The following PRPF19 variants were observed in gnomAD, a reference collection of about 807,000 sequenced individuals.
PRPF19 encodes pre-mRNA-processing factor 19.
A neutral mutation model predicts 64.2 loss-of-function variants in PRPF19; 2 were observed. The ratio of observed to expected loss-of-function variants is 0.03; its 90% CI spans 0.01 to 0.10. The LOEUF is 0.10. Among genes scored for constraint, PRPF19 ranks in the 10% least tolerant of loss-of-function variants. PRPF19 has a pLI of 1.00. For synonymous variants in PRPF19, 226 were observed against 251.6 expected, an observed-to-expected ratio of 0.90 and a Z score of 0.96; for missense variants, 314 against 650.0, an observed-to-expected ratio of 0.48 and a Z score of 5.62.
At chr11:60,894,151 G>A (rs1333437885) in intron 15 of PRPF19, among the ~76,000 whole-genome samples, 2 of 152,190 alleles carry the variant, frequency 1.3e-5, no homozygotes, top group Non-Finnish European at 2.9e-5. Context: ...GGCTGAAGTG[G>A]CTGTGACAAT....
intron 10 of PRPF19, among the ~76,000 whole-genome samples, 191 bp downstream of exon 10, chr11:60,900,391 C>G (rs1855970664): frequency 6.6e-6 from 1 of 152,208 alleles, no homozygotes; most frequent in Non-Finnish European, 1.5e-5. Context: ...GCTGGAAGAT[C>G]ACTGCTTTAG....
intron 15 of PRPF19, among the ~76,000 whole-genome samples, chr11:60,893,229 C>T (rs143089581): frequency 0.012 from 1,810 of 152,218 alleles, 44 homozygotes; most frequent in African/African-American, 0.042. Context: ...CGGTGGCTCA[C>T]GCCTGTAATC....
At position 60,898,869 on chromosome 11, in the gene PRPF19, G is replaced by A. The variant is rs3763840; in HGVS notation, c.1047C>T (p.Ser349=). 616,175 of 1,600,296 alleles carry A rather than the reference G, an allele frequency of 0.39. 121,066 individuals are homozygous for A. Among genetic ancestry groups the A allele is most frequent in the Admixed American group, 0.41 (23,951 of 58,050 alleles). ...RVLTKVTDET[S]GCSLTCAQFH... ...GCCTATGAGGCAACTTACAGCAGCCGGAGGTCTCATCTGTCACCTTGGTGA... is the reference window on the plus strand; with the variant it reads ...GCCTATGAGGCAACTTACAGCAGCCAGAGGTCTCATCTGTCACCTTGGTGA... Residue 349 remains serine, a synonymous_variant, in exon 12 of 16, where the codon TCC becomes TCT. Coordinates refer to ENST00000227524, the MANE Select transcript of PRPF19 (RefSeq NM_014502.5). The surrounding 1 kb of genome is among the most constrained non-coding windows in gnomAD (Gnocchi z 4.6).
In PRPF19 at chr11:60,891,067, A is replaced by AAC; in HGVS notation, c.*98_*99insGT. The AAC allele has an allele frequency of 2.2e-5, 6 of 275,284 alleles. No homozygotes were observed. Among genetic ancestry groups the AAC allele is most frequent in the South Asian group, 1.0e-4 (4 of 38,732 alleles). 17.1% of individuals were successfully genotyped at this position (275,284 alleles called of 1,614,324 possible). A position where few individuals can be genotyped will look rare whatever the true frequency, so the allele number is the denominator to read the frequency against. ...ATGATGTGAATGTCCCACCCCACAG[A>AAC]GCCCCCTCCCCCCATAGATTCCCCC... On this transcript the variant is annotated 3_prime_UTR_variant, in exon 16 of 16. Coordinates refer to ENST00000227524, the MANE Select transcript of PRPF19 (RefSeq NM_014502.5).
chr11:60,898,559 G>T lies in PRPF19; in HGVS notation c.1122C>A (p.Ile374=). ...GTCCTACCTTCAAGTCCCAGATCTT[G>T]ATCTGAGAGTCCATGGTTCCTGTTC... ...IFGTGTMDSQ[I]KIWDLKERTN... The change falls in exon 13 of 16, where the codon ATC becomes ATA. Residue 374 remains isoleucine (I), a synonymous_variant. Coordinates refer to ENST00000227524, the MANE Select transcript of PRPF19 (RefSeq NM_014502.5). The surrounding 1 kb of genome is among the most constrained non-coding windows in gnomAD (Gnocchi z 4.6). 6.2e-7 allele frequency: 1 copy of T among 1,614,140 alleles called. No individual in the cohort carries two copies. Among genetic ancestry groups the T allele is most frequent in the South Asian group, 1.1e-5 (1 of 91,018 alleles).
chr11:60,906,557 G>C lies in PRPF19; in HGVS notation c.-175C>G, dbSNP rs903179056. ...CACGTGGGAATGGGGACAGCCGCGCGCCACAGCCTTCAGCACCTAACGGAA... is the reference window on the plus strand; with the variant it reads ...CACGTGGGAATGGGGACAGCCGCGCCCCACAGCCTTCAGCACCTAACGGAA... On this transcript the variant is annotated 5_prime_UTR_variant, in exon 1 of 16. Transcript: ENST00000227524. The C allele has an allele frequency of 1.7e-5, 11 of 642,960 alleles. No homozygotes were observed. Among genetic ancestry groups the C allele is most frequent in the Middle Eastern group, 4.3e-4 (1 of 2,322 alleles). The allele number at this position is 642,960 out of a possible 1,614,324, so 39.8% of individuals were successfully genotyped here.
rs1179283633 is a variant in PRPF19, at chr11:60,898,368, C to T, written c.1141-97G>A. The T allele has an allele frequency of 2.0e-6, 3 of 1,527,208 alleles. No individual in the cohort carries two copies. Among genetic ancestry groups the T allele is most frequent in the Admixed American group, 4.0e-5 (2 of 50,396 alleles). 94.6% of individuals were successfully genotyped at this position (1,527,208 alleles called of 1,614,324 possible). A position where few individuals can be genotyped will look rare whatever the true frequency, so the allele number is the denominator to read the frequency against. On this transcript the variant is annotated intron_variant, in intron 13 of 15. Transcript: ENST00000227524. This position sits in a 1 kb window ranked among gnomAD's most constrained non-coding sequence, Gnocchi z 4.6. ...TCCTACCTGAGATGTCCCTCACGTCCTTCCAGGAAGGACAGCCAGCGGGAC... is the reference window on the plus strand; with the variant it reads ...TCCTACCTGAGATGTCCCTCACGTCTTTCCAGGAAGGACAGCCAGCGGGAC...
intron 15 of PRPF19, 66 bp downstream of exon 15, chr11:60,897,780 C>A: frequency 1.5e-6 from 2 of 1,369,986 alleles, no homozygotes; most frequent in Non-Finnish European, 2.1e-6. Flanking sequence ...AATTCCTAAC[C>A]CAGTGAGGCT....
chr11:60,899,003 A>G (rs1480405007), intron 11 of PRPF19, 72 bp from the exon 12 acceptor site: 15 of 1,512,272 alleles, frequency 9.9e-6, no homozygotes, highest in South Asian at 3.6e-5. Context: ...CTTCAGCAAG[A>G]CAGAGCCCCT....
rs540079137 is a variant in PRPF19, at chr11:60,893,955, A to G, written c.1418-2692T>C. Among the ~76,000 whole-genome samples the G allele has an allele frequency of 1.3e-3, 199 of 152,372 alleles. 3 individuals are homozygous for G. The highest frequency in any genetic ancestry group is 4.6e-3 in the African/African-American group (191 of 41,586). The stretch of plus-strand genomic sequence containing the variant: ...TTATGTTTACACTATACTGTAGTCT[A>G]TTAAGTGTGTAATAACATTATGTCT... On this transcript the variant is annotated intron_variant, in intron 15 of 15. Coordinates refer to ENST00000227524, the MANE Select transcript of PRPF19 (RefSeq NM_014502.5).
At position 60,900,545 on chromosome 11, in the gene PRPF19, G is replaced by A. The variant is rs919781715; in HGVS notation, c.828+37C>T. ...GGGTGAGGGACAAACAACAGCCAAG[G>A]AAAGAAGAACCAAGGGTGGCGAGGA... On this transcript the variant is annotated intron_variant, in intron 10 of 15. Coordinates refer to ENST00000227524, the MANE Select transcript of PRPF19 (RefSeq NM_014502.5). 2.7e-6 allele frequency: 4 copies of A among 1,467,754 alleles called. No homozygotes were observed. The Admixed American group carries it at 6.0e-5, about 22-fold the overall frequency. 90.9% of individuals were successfully genotyped at this position (1,467,754 alleles called of 1,614,324 possible). A position where few individuals can be genotyped will look rare whatever the true frequency, so the allele number is the denominator to read the frequency against.
chr11:60,890,586 A>G lies in PRPF19; in HGVS notation c.*580T>C, dbSNP rs1855843470. On this transcript the variant is annotated 3_prime_UTR_variant, in exon 16 of 16. Coordinates refer to ENST00000227524, the MANE Select transcript of PRPF19 (RefSeq NM_014502.5). Reference sequence around the variant, plus strand: ...TTGTTTTTATTTCTGCTGTGCAATTAAAAAAAAAAAAAAAGGGTAAGAGCT... The same window carrying G: ...TTGTTTTTATTTCTGCTGTGCAATTGAAAAAAAAAAAAAAGGGTAAGAGCT... 5.6e-5 allele frequency: 1 copy of G among 17,810 alleles called. No individual in the cohort carries two copies. Among genetic ancestry groups the G allele is most frequent in the Admixed American group, 5.8e-4 (1 of 1,728 alleles). 1.1% of individuals were successfully genotyped at this position (17,810 alleles called of 1,614,324 possible). A position where few individuals can be genotyped will look rare whatever the true frequency, so the allele number is the denominator to read the frequency against.
intron 15 of PRPF19, among the ~76,000 whole-genome samples, chr11:60,896,826 A>G: frequency 6.6e-6 from 1 of 152,314 alleles, no homozygotes; most frequent in Non-Finnish European, 1.5e-5. Context: ...AAAAGTAAAA[A>G]ATAAAAATAA....
intron 1 of PRPF19, among the ~76,000 whole-genome samples, chr11:60,904,528 A>T (rs1285684957): frequency 6.6e-6 from 1 of 152,140 alleles, no homozygotes; most frequent in Non-Finnish European, 1.5e-5. Flanking sequence ...TGTTCTTCTG[A>T]TCTACCAGCT....
rs776930181 is a variant in PRPF19, at chr11:60,903,802, G to A, written c.79C>T (p.Arg27Trp). Residue 27 changes from arginine to tryptophan, a missense_variant, in exon 2 of 16, where the codon CGG becomes TGG. By Grantham distance (101) the Arg-to-Trp change is moderately radical. Coordinates refer to ENST00000227524, the MANE Select transcript of PRPF19 (RefSeq NM_014502.5). ...VSPVSNHVYE[R>W]RLIEKYIAEN... ...GCAATGTACTTCTCGATGAGCCGCC[G>A]CTCATAAACATGATTAGAGACAGGG... 3.1e-6 allele frequency: 5 copies of A among 1,606,352 alleles called. No homozygotes were observed. Among genetic ancestry groups the A allele is most frequent in the Non-Finnish European group, 3.4e-6 (4 of 1,178,348 alleles).
chr11:60,891,098 C>G lies in PRPF19; in HGVS notation c.*68G>C, dbSNP rs1265411315. The G allele has an allele frequency of 2.7e-5, 10 of 376,042 alleles. No individual in the cohort carries two copies. Among genetic ancestry groups the G allele is most frequent in the East Asian group, 2.0e-4 (3 of 14,902 alleles). The allele number at this position is 376,042 out of a possible 1,614,324, so 23.3% of individuals were successfully genotyped here. On this transcript the variant is annotated 3_prime_UTR_variant, in exon 16 of 16. Coordinates refer to ENST00000227524, the MANE Select transcript of PRPF19 (RefSeq NM_014502.5). Reference sequence around the variant, plus strand: ...CTCCCCCCATAGATTCCCCCCACCCCCCCCCCCAAACCCTAATTCTACCCC... The same window carrying G: ...CTCCCCCCATAGATTCCCCCCACCCGCCCCCCCAAACCCTAATTCTACCCC...
Position 60,891,151 on chromosome 11 carries a change from C to T in PRPF19, c.*15G>A. The T allele has an allele frequency of 7.9e-7, 1 of 1,263,398 alleles. No individual in the cohort carries two copies. Among genetic ancestry groups the T allele is most frequent in the East Asian group, 3.0e-5 (1 of 33,094 alleles). The allele number at this position is 1,263,398 out of a possible 1,614,324, so 78.3% of individuals were successfully genotyped here. A position where few individuals can be genotyped will look rare whatever the true frequency, so the allele number is the denominator to read the frequency against. On this transcript the variant is annotated 3_prime_UTR_variant, in exon 16 of 16. Coordinates refer to ENST00000227524, the MANE Select transcript of PRPF19 (RefSeq NM_014502.5). ...TACTGAGATGAGGCCCAGCTTCCAT[C>T]AGAAGGGCCAGGGCCTACAGGCTGT...
chr11:60,900,352 T>C (rs891571960), intron 10 of PRPF19, among the ~76,000 whole-genome samples: 1 of 152,234 alleles, frequency 6.6e-6, no homozygotes, highest in South Asian at 2.1e-4. Context: ...AATATGCTTG[T>C]CAAACTACAC....
In PRPF19 at chr11:60,902,376, C is replaced by G. The variant is rs191613416; in HGVS notation, c.525+27G>C. ...GGTGAAAAGTAAGGGCCCATCAGCA[C>G]TCCCACCAGGTGAGAGCAGGACTTA... On this transcript the variant is annotated intron_variant, in intron 6 of 15. Transcript: ENST00000227524. This position sits in a 1 kb window ranked among gnomAD's most constrained non-coding sequence, Gnocchi z 5.0. The G allele has an allele frequency of 1.2e-6, 2 of 1,606,542 alleles. No individual in the cohort carries two copies. Among genetic ancestry groups the G allele is most frequent in the East Asian group, 2.2e-5 (1 of 44,838 alleles).
Sources: gnomAD v4.1 joint callset for allele counts (sites outside exome capture counted in the v4.1 genomes callset) on GRCh38, gnomAD v4.1.1 for gene constraint, Gnocchi (gnomAD v3.1) non-coding constraint, MANE v1.5 for transcripts, NCBI Gene and HGNC (gene_info 2026-07-23, HGNC 2026-07-21) for gene names.